PCIF1: variants seen among roughly 807,000 people sequenced by gnomAD.
The protein encoded by PCIF1 is phosphorylated CTD interacting factor 1.
Under a neutral mutation model 86.9 loss-of-function variants are expected in PCIF1, and 12 were observed. The observed-to-expected ratio is 0.14, with a 90% CI of 0.09 to 0.22. The LOEUF (loss-of-function observed/expected upper bound fraction) is 0.22. Ranked by LOEUF, PCIF1 falls within the 10% of genes least tolerant of loss-of-function variation. The pLI, the probability that PCIF1 is intolerant of heterozygous loss-of-function variation, is 1.00. For synonymous variants in PCIF1, 397 were observed against 372.0 expected (o/e 1.07, Z -0.77); for missense variants, 701 against 951.1 (o/e 0.74, Z 3.46).
At position 45,943,931 on chromosome 20, in the gene PCIF1, G is replaced by T. The variant is rs2083498767; in HGVS notation, c.1005+166G>T. 6.6e-6 allele frequency among the ~76,000 whole-genome samples: 1 copy of T among 152,124 alleles called. No individual in the cohort carries two copies. The highest frequency in any genetic ancestry group is 2.4e-5 in the African/African-American group (1 of 41,416). ...GTCAGTCCCCAAACTCATGACTGTG[G>T]AGATGTTTCTCTGGGCTCCTGGCTT... On this transcript the variant is annotated intron_variant, in intron 10 of 16. Transcript: ENST00000372409. The surrounding 1 kb of genome is among the most constrained non-coding windows in gnomAD (Gnocchi z 5.5).
chr20:45,947,269 C>T lies in PCIF1; in HGVS notation c.1714C>T (p.Leu572Phe). 6.2e-7 allele frequency: 1 copy of T among 1,611,966 alleles called. No homozygotes were observed. Among genetic ancestry groups the T allele is most frequent in the South Asian group, 1.1e-5 (1 of 90,912 alleles). Residue 572 changes from leucine (L) to phenylalanine (F), a missense_variant, in exon 16 of 17, where the codon CTT becomes TTT. By Grantham distance (22) the Leu-to-Phe change is conservative. This residue lies in a region of PCIF1 where 174 missense variants were observed against 206.9 expected (regional missense o/e 0.84). Coordinates refer to ENST00000372409, the MANE Select transcript of PCIF1 (RefSeq NM_022104.4). The surrounding 1 kb of genome is among the most constrained non-coding windows in gnomAD (Gnocchi z 5.4). ...DAMVSHFERLLESSPEPLSFI... is the reference protein window; with the variant it reads ...DAMVSHFERLFESSPEPLSFI... ...CCTGTGTCCCCTTCCACAGAGACTG[C>T]TTGAGAGCTCACCGGAGCCCCTGTC...
chr20:45,935,410 A>G (rs2083415328), intron 1 of PCIF1, among the ~76,000 whole-genome samples: 1 of 152,154 alleles, frequency 6.6e-6, no homozygotes, highest in African/African-American at 2.4e-5. Context: ...ATCCTTGAGC[A>G]GCGGTAATTC....
At position 45,945,112 on chromosome 20, in the gene PCIF1, C is replaced by T; in HGVS notation, c.1168+82C>T. On this transcript the variant is annotated intron_variant, in intron 11 of 16. Coordinates refer to ENST00000372409, the MANE Select transcript of PCIF1 (RefSeq NM_022104.4). ...GGAAGGGACAAGTGAGACTGAGCCT[C>T]AAGGCCAGGGACTGGTTTGGGGCAG... is the stretch of plus-strand genomic sequence containing the variant. The T allele has an allele frequency of 2.7e-6, 4 of 1,457,344 alleles. No homozygotes were observed. In the South Asian group the frequency reaches 5.3e-5, roughly 19 times the overall value. The allele number at this position is 1,457,344 out of a possible 1,614,324, so 90.3% of individuals were successfully genotyped here.
Position 45,947,082 on chromosome 20 carries a change from A to G in PCIF1, c.1623A>G (p.Leu541=). The G allele has an allele frequency of 6.2e-7, 1 of 1,610,258 alleles. No individual in the cohort carries two copies. The highest frequency in any genetic ancestry group is 8.5e-7 in the Non-Finnish European group (1 of 1,177,044). ...TCACTCCTGTCCCCAGGCCCTGCCT[A>G]GACTTTGCTCCACTGAGTGGTTCAT... ...DGYFGSRGPC[L]DFAPLSGSFE... The change falls in exon 15 of 17, where the codon CTA becomes CTG. Residue 541 remains leucine, a synonymous_variant. Coordinates refer to ENST00000372409, the MANE Select transcript of PCIF1 (RefSeq NM_022104.4). The surrounding 1 kb of genome is among the most constrained non-coding windows in gnomAD (Gnocchi z 5.4).
rs2083549655 is a variant in PCIF1 at position 45,947,884 on chromosome 20, C to T, written c.*129C>T. On this transcript the variant is annotated 3_prime_UTR_variant, in exon 17 of 17. Transcript: ENST00000372409. This position sits in a 1 kb window ranked among gnomAD's most constrained non-coding sequence, Gnocchi z 5.4. ...ATTATGGTTCTGCCAGGGCTCCCCT[C>T]CCTGCCTGTCCCCAAGTCCTCACCT... The T allele has an allele frequency of 3.3e-6, 5 of 1,532,338 alleles. No individual in the cohort carries two copies. The highest frequency in any genetic ancestry group is 4.4e-6 in the Non-Finnish European group (5 of 1,146,376). 94.9% of individuals were successfully genotyped at this position (1,532,338 alleles called of 1,614,324 possible).
Position 45,943,653 on chromosome 20 carries a change from C to A in PCIF1, c.906-13C>A. 6.4e-7 allele frequency: 1 copy of A among 1,554,742 alleles called. No homozygotes were observed. The highest frequency in any genetic ancestry group is 2.0e-5 in the Admixed American group (1 of 51,264). On this transcript the variant is annotated splice_polypyrimidine_tract_variant and intron_variant, in intron 9 of 16. Coordinates refer to ENST00000372409, the MANE Select transcript of PCIF1 (RefSeq NM_022104.4). This position sits in a 1 kb window ranked among gnomAD's most constrained non-coding sequence, Gnocchi z 5.5. Reference sequence around the variant, plus strand: ...AAGCCATTCCTTTCTTCTGCCCTCCCCTTGACTGGCAGGAGTGCATCCCCT... The same window carrying A: ...AAGCCATTCCTTTCTTCTGCCCTCCACTTGACTGGCAGGAGTGCATCCCCT...
At position 45,942,351 on chromosome 20, in the gene PCIF1, G is replaced by A. The variant is rs953381855; in HGVS notation, c.674-746G>A. Reference sequence around the variant, plus strand: ...TTTTCTAAGATGGAGTTTTGTTCTTGTTGCCCTGGCTGGAGTGCAATGGCA... The same window carrying A: ...TTTTCTAAGATGGAGTTTTGTTCTTATTGCCCTGGCTGGAGTGCAATGGCA... On this transcript the variant is annotated intron_variant, in intron 7 of 16. Transcript: ENST00000372409. 2.1e-4 allele frequency among the ~76,000 whole-genome samples: 15 copies of A among 71,584 alleles called. No homozygotes were observed. The Admixed American group carries it at 2.1e-3, about 10-fold the overall frequency. The allele number at this position is 71,584 out of a possible 152,430, so 47.0% of individuals were successfully genotyped here. A position where few individuals can be genotyped will look rare whatever the true frequency, so the allele number is the denominator to read the frequency against.
intron 2 of PCIF1, 21 bp from the exon 3 acceptor site, chr20:45,938,960 C>T (rs2083447334): frequency 6.2e-7 from 1 of 1,611,884 alleles, no homozygotes; most frequent in Non-Finnish European, 8.5e-7. Flanking sequence ...AGCTGACACT[C>T]TTTGGTCCTC....
chr20:45,942,401 G>C (rs1463817573), intron 7 of PCIF1, among the ~76,000 whole-genome samples: 1 of 144,546 alleles, frequency 6.9e-6, no homozygotes, highest in Non-Finnish European at 1.5e-5. Context: ...TGCAACCTCT[G>C]CCTCCCAGGT....
rs2664540 is a variant in PCIF1 at position 45,948,011 on chromosome 20, A to C, written c.*256A>C. ...TTCATTTGTAAAAGGAAATACAGAA[A>C]CCCCCCCAAGAATGTGTGAGGGTCT... On this transcript the variant is annotated 3_prime_UTR_variant, in exon 17 of 17. Coordinates refer to ENST00000372409, the MANE Select transcript of PCIF1 (RefSeq NM_022104.4). 578 of 1,472,136 alleles carry C rather than the reference A, an allele frequency of 3.9e-4. No individual in the cohort carries two copies. Among genetic ancestry groups the C allele is most frequent in the Non-Finnish European group, 5.1e-4 (562 of 1,099,162 alleles). The allele number at this position is 1,472,136 out of a possible 1,614,324, so 91.2% of individuals were successfully genotyped here.
chr20:45,940,806 C>T lies in PCIF1; in HGVS notation c.388-3C>T, dbSNP rs1372592006. 1.2e-6 allele frequency: 2 copies of T among 1,612,676 alleles called. No homozygotes were observed. Among genetic ancestry groups the T allele is most frequent in the Admixed American group, 1.7e-5 (1 of 59,888 alleles). On this transcript the variant is annotated splice_region_variant and splice_polypyrimidine_tract_variant and intron_variant, in intron 5 of 16. Transcript: ENST00000372409. ...CTTGACACCTTTGTGACTTTCACTA[C>T]AGATTGAAATCCCAGTGACACCCAC...
At chr20:45,939,496 C>CATTGAGTGCAAGT (rs2083452295) in intron 4 of PCIF1, among the ~76,000 whole-genome samples, 157 bp downstream of exon 4, 1 of 152,214 alleles carries the variant, frequency 6.6e-6, no homozygotes, top group South Asian at 2.1e-4. Context: ...CCTCATGGAA[C>CATTGAGTGCAAGT]CTACACTCAA....
At chr20:45,942,707 C>T (rs1332148677) in intron 7 of PCIF1, among the ~76,000 whole-genome samples, 8 of 150,776 alleles carry the variant, frequency 5.3e-5, no homozygotes, top group Non-Finnish European at 8.9e-5. Context: ...TTCAGCCACC[C>T]GGGTTCAAGC....
At chr20:45,942,417 C>T (rs1238865732) in intron 7 of PCIF1, among the ~76,000 whole-genome samples, 5 of 151,138 alleles carry the variant, frequency 3.3e-5, no homozygotes, top group African/African-American at 4.9e-5. Flanking sequence ...CAGGTTCAAG[C>T]GATTCTCCTG....
chr20:45,938,341 C>G (rs1001096743), intron 2 of PCIF1, among the ~76,000 whole-genome samples: 1 of 152,214 alleles, frequency 6.6e-6, no homozygotes, highest in African/African-American at 2.4e-5. Context: ...CATGCCCTTC[C>G]CTAGTGTGCT....
At chr20:45,944,627 CTTAAGGGA>C (rs1270329885) in intron 10 of PCIF1, among the ~76,000 whole-genome samples, 2 of 152,218 alleles carry the variant, frequency 1.3e-5, no homozygotes, top group Admixed American at 1.3e-4. Context: ...TTGGCAAGCC[CTTAAGGGA>C]AATGATCACA....
chr20:45,935,035 T>TGCC (rs983578974), intron 1 of PCIF1, among the ~76,000 whole-genome samples: 3 of 151,760 alleles, frequency 2.0e-5, no homozygotes, highest in Admixed American at 1.3e-4. Context: ...CCTCCGCTGC[T>TGCC]GCCGCCGCCA....
Position 45,947,643 on chromosome 20 carries a change from G to A in PCIF1, c.2003G>A (p.Arg668Gln), listed in dbSNP as rs757592432. The A allele has an allele frequency of 1.1e-5, 18 of 1,612,358 alleles. No homozygotes were observed. The South Asian group carries it at 1.6e-4, about 15-fold the overall frequency. The change falls in exon 17 of 17, where the codon CGG becomes CAG. Residue 668 changes from arginine (R) to glutamine (Q), a missense_variant. Physicochemically the swap from Arg to Gln is conservative, Grantham distance 43. Around this residue, in one of 7 missense-constraint regions of PCIF1, gnomAD observed 174 missense variants for 206.9 expected, o/e 0.84. Coordinates refer to ENST00000372409, the MANE Select transcript of PCIF1 (RefSeq NM_022104.4). The surrounding 1 kb of genome is among the most constrained non-coding windows in gnomAD (Gnocchi z 5.4). ...ERLQELSAAYRQSGRSHSSGS... is the reference protein window; with the variant it reads ...ERLQELSAAYQQSGRSHSSGS... ...CTGCAGGAGCTGAGTGCTGCCTACC[G>A]GCAGTCAGGCCGCAGCCACAGCTCT...
At chr20:45,941,310 G>A in intron 7 of PCIF1, 103 bp downstream of exon 7, 1 of 1,395,336 alleles carries the variant, frequency 7.2e-7, no homozygotes, top group South Asian at 1.4e-5. Context: ...GCCCAGTGGT[G>A]AGCCATGATC....
Sources: allele counts gnomAD v4.1 joint callset (sites outside exome capture counted in the v4.1 genomes callset), GRCh38; gene constraint gnomAD v4.1.1; regional missense constraint gnomAD v4.1.1; non-coding constraint Gnocchi (gnomAD v3.1); transcripts MANE v1.5; gene names NCBI Gene and HGNC (gene_info 2026-07-23, HGNC 2026-07-21).